Variants in KANSL2 observed in about 807,000 individuals in gnomAD.
KANSL2 encodes the protein KAT8 regulatory NSL complex subunit 2, also known as NSL complex protein NSL2.
Under a neutral mutation model 55.6 loss-of-function variants are expected in KANSL2, and 34 were observed. The observed-to-expected ratio is 0.61, with a 90% CI of 0.46 to 0.81. The LOEUF is 0.81. KANSL2 is among the 40% of genes least tolerant of loss of function. The pLI is 0.00. For missense variants in KANSL2, 502 were observed against 609.9 expected (o/e 0.82, Z 1.86); for synonymous variants, 209 against 214.3 (o/e 0.98, Z 0.22).
At chr12:48,659,362 G>C (rs868374863) in intron 8 of KANSL2, among the ~76,000 whole-genome samples, 1 of 152,034 alleles carries the variant, frequency 6.6e-6, no homozygotes, top group Non-Finnish European at 1.5e-5. Context: ...CACTTTGGGA[G>C]GCCAAGGTAA....
intron 4 of KANSL2, among the ~76,000 whole-genome samples, chr12:48,675,998 G>A (rs1402633648): frequency 1.3e-5 from 2 of 152,082 alleles, no homozygotes; most frequent in African/African-American, 4.8e-5. Context: ...AGTTATAGAT[G>A]TTTATAGAGG....
intron 5 of KANSL2, among the ~76,000 whole-genome samples, chr12:48,670,622 T>C (rs1363185941): frequency 6.6e-6 from 1 of 152,246 alleles, no homozygotes; most frequent in Non-Finnish European, 1.5e-5. Flanking sequence ...TGTTTGTGTT[T>C]TAAGCTAAGT....
intron 6 of KANSL2, 60 bp from the exon 7 acceptor site, chr12:48,667,849 G>T: frequency 8.2e-7 from 1 of 1,216,156 alleles, no homozygotes; most frequent in Non-Finnish European, 1.2e-6. Flanking sequence ...CAATTACGAT[G>T]AAAATAGTTA....
intron 8 of KANSL2, among the ~76,000 whole-genome samples, chr12:48,659,292 TA>T (rs796806054): frequency 1.6e-3 from 207 of 129,748 alleles, no homozygotes; most frequent in East Asian, 4.1e-3. Flanking sequence ...AGACTCAGTC[TA>T]AAAAAAAAAA....
Position 48,679,825 on chromosome 12 carries a change from A to G in KANSL2, c.260T>C (p.Phe87Ser). The G allele has an allele frequency of 1.2e-6, 2 of 1,601,702 alleles. No homozygotes were observed. Among genetic ancestry groups the G allele is most frequent in the Non-Finnish European group, 8.5e-7 (1 of 1,173,760 alleles). Reference sequence around the variant, plus strand: ...ATTCCTACGGACATGTTCAGCACAGAAGGACACCCTGAAGAGACAAAACAT... The same window carrying G: ...ATTCCTACGGACATGTTCAGCACAGGAGGACACCCTGAAGAGACAAAACAT... ...PKPEKKDGVS[F>S]CAEHVRRNAL... is the part of the protein sequence containing the mutation. Residue 87 changes from phenylalanine to serine, a missense_variant, in exon 3 of 10, where the codon TTC (phenylalanine) becomes TCC (serine). Physicochemically the swap from Phe to Ser is radical, Grantham distance 155. Coordinates refer to ENST00000420613, the MANE Select transcript of KANSL2 (RefSeq NM_017822.4).
chr12:48,670,610 AGT>A (rs1201781449), intron 5 of KANSL2, among the ~76,000 whole-genome samples: 13 of 152,172 alleles, frequency 8.5e-5, no homozygotes, highest in African/African-American at 2.9e-4. Context: ...ACAGCTGTAC[AGT>A]GTTTGTGTTT....
chr12:48,666,073 A>T (rs1238696055), intron 7 of KANSL2, among the ~76,000 whole-genome samples: 1 of 152,048 alleles, frequency 6.6e-6, no homozygotes, highest in Non-Finnish European at 1.5e-5. Context: ...AATTAGCTGG[A>T]CGTGGTAGCA....
intron 7 of KANSL2, among the ~76,000 whole-genome samples, chr12:48,660,929 GA>G (rs1386028854): frequency 6.6e-6 from 1 of 152,008 alleles, no homozygotes; most frequent in Non-Finnish European, 1.5e-5. Flanking sequence ...ACACTCCTAG[GA>G]ACACACACAT....
intron 4 of KANSL2, 32 bp from the exon 5 acceptor site, chr12:48,671,994 G>T: frequency 6.6e-7 from 1 of 1,519,356 alleles, no homozygotes; most frequent in Non-Finnish European, 8.9e-7. Flanking sequence ...CAAAGCATAA[G>T]AAAACAATAA....
intron 4 of KANSL2, 25 bp downstream of exon 4, chr12:48,679,011 T>A (rs118067775): frequency 6.7e-7 from 1 of 1,492,336 alleles, no homozygotes; most frequent in African/African-American, 1.4e-5. Context: ...ACATTTCAAA[T>A]GCCTTATGTG....
chr12:48,676,695 C>G (rs1939828763), intron 4 of KANSL2, among the ~76,000 whole-genome samples: 1 of 151,866 alleles, frequency 6.6e-6, no homozygotes, highest in Non-Finnish European at 1.5e-5. Context: ...GCGTAAGTCA[C>G]TACGCCTGGC....
chr12:48,657,424 C>CA (rs1386611665), intron 8 of KANSL2, among the ~76,000 whole-genome samples: 6 of 149,760 alleles, frequency 4.0e-5, no homozygotes, highest in South Asian at 2.1e-4. Flanking sequence ...GACTCTGTCT[C>CA]AAAAAAAAAT....
At chr12:48,681,928 G>A (rs1243355158) in intron 1 of KANSL2, 1 of 703,290 alleles carries the variant, frequency 1.4e-6, no homozygotes, top group Admixed American at 2.0e-5. Context: ...GCCCCACGCG[G>A]CGGCCACGCC....
chr12:48,675,746 C>T (rs1300049379), intron 4 of KANSL2, among the ~76,000 whole-genome samples: 1 of 152,054 alleles, frequency 6.6e-6, no homozygotes, highest in African/African-American at 2.4e-5. Flanking sequence ...TAACAGATGG[C>T]TCATTTACTT....
At chr12:48,660,286 A>G in intron 8 of KANSL2, 80 bp downstream of exon 8, 1 of 1,487,964 alleles carries the variant, frequency 6.7e-7, no homozygotes, top group Non-Finnish European at 9.2e-7. Context: ...TCCTAACCAC[A>G]AAGACTAACC....
At chr12:48,658,953 A>G (rs61942047) in intron 8 of KANSL2, among the ~76,000 whole-genome samples, 34,029 of 152,142 alleles carry the variant, frequency 0.22, 4,804 homozygotes, top group Non-Finnish European at 0.33. Context: ...ACTCATATTA[A>G]TATCTGATGC....
Position 48,681,536 on chromosome 12 carries a change from G to A in KANSL2, c.97C>T (p.Arg33Cys). Residue 33 changes from arginine to cysteine, a missense_variant, in exon 2 of 10, where the codon CGT becomes TGT. By Grantham distance (180) the Arg-to-Cys change is radical (BLOSUM62 -3). Coordinates refer to ENST00000420613, the MANE Select transcript of KANSL2 (RefSeq NM_017822.4). ...QEPLSCAFTH[R>C]PCSHPRLEGQ... ...TCCAGACGAGGGTGAGAGCATGGAC[G>A]ATGAGTGAATGCACAAGACAGAGGT... 2 of 1,613,968 alleles carry A rather than the reference G, an allele frequency of 1.2e-6. No homozygotes were observed. Among genetic ancestry groups the A allele is most frequent in the Non-Finnish European group, 1.7e-6 (2 of 1,179,890 alleles).
intron 4 of KANSL2, among the ~76,000 whole-genome samples, chr12:48,677,209 G>C (rs1009652689): frequency 6.6e-6 from 1 of 152,090 alleles, no homozygotes; most frequent in Non-Finnish European, 1.5e-5. Flanking sequence ...TTCTGAACAT[G>C]TTTCCTCTAG....
intron 7 of KANSL2, among the ~76,000 whole-genome samples, chr12:48,662,026 C>T (rs989666148): frequency 6.6e-6 from 1 of 152,182 alleles, no homozygotes; most frequent in African/African-American, 2.4e-5. Flanking sequence ...TTGCACTATG[C>T]GCTTAAGAAA....
Sources: gnomAD v4.1 joint callset for allele counts (sites outside exome capture counted in the v4.1 genomes callset) on GRCh38, gnomAD v4.1.1 for gene constraint, MANE v1.5 for transcripts, NCBI Gene and HGNC (gene_info 2026-07-23, HGNC 2026-07-21) for gene names.